The following SGCZ variants were observed in gnomAD, a reference collection of about 807,000 sequenced individuals.
SGCZ encodes sarcoglycan zeta.
A neutral mutation model predicts 41.3 loss-of-function variants in SGCZ; 40 were observed. The observed-to-expected ratio is 0.97, with a 90% confidence interval of 0.75 to 1.26. The LOEUF (loss-of-function observed/expected upper bound fraction) is 1.26, where lower values mean the gene tolerates loss of function less well. Ranked by LOEUF, SGCZ falls within the 50% of genes most tolerant of loss-of-function variation. The pLI is 0.00. For missense variants in SGCZ, 552 were observed against 369.8 expected (o/e 1.49, Z -4.04); for synonymous variants, 206 against 137.5 (o/e 1.50, Z -3.49).
At chr8:14,287,177 A>C (rs1273351018) in intron 3 of SGCZ, among the ~76,000 whole-genome samples, 2 of 151,456 alleles carry the variant, frequency 1.3e-5, no homozygotes, top group Non-Finnish European at 3.0e-5. Flanking sequence ...GTTGCAAATC[A>C]TTTCCTGTTT....
At chr8:14,656,030 G>C (rs1346698819) in intron 1 of SGCZ, among the ~76,000 whole-genome samples, 1 of 152,068 alleles carries the variant, frequency 6.6e-6, no homozygotes, top group African/African-American at 2.4e-5. Context: ...GTTGCTTCCA[G>C]TTTGAGCTCT....
chr8:14,603,333 G>C (rs1221799639), intron 1 of SGCZ, among the ~76,000 whole-genome samples: 3 of 151,918 alleles, frequency 2.0e-5, no homozygotes, highest in African/African-American at 4.8e-5. Context: ...CAATATATCA[G>C]TTAAGTCATT....
intron 1 of SGCZ, among the ~76,000 whole-genome samples, chr8:15,023,967 G>T (rs558823172): frequency 6.6e-6 from 1 of 152,284 alleles, no homozygotes; most frequent in East Asian, 1.9e-4. Context: ...ATGGAGTGCA[G>T]AATACAGGGA....
intron 1 of SGCZ, among the ~76,000 whole-genome samples, chr8:14,785,291 G>A (rs1800733716): frequency 6.6e-6 from 1 of 151,806 alleles, no homozygotes. Context: ...CAGACAAAAA[G>A]TTGTCCTTTC....
At chr8:14,651,392 T>A (rs1015805365) in intron 1 of SGCZ, among the ~76,000 whole-genome samples, 1 of 152,106 alleles carries the variant, frequency 6.6e-6, no homozygotes, top group African/African-American at 2.4e-5. Context: ...ATGTCTGAAA[T>A]GATAGAAGAT....
chr8:14,386,019 A>C (rs1479306690), intron 2 of SGCZ, among the ~76,000 whole-genome samples: 1 of 152,096 alleles, frequency 6.6e-6, no homozygotes, highest in South Asian at 2.1e-4. Flanking sequence ...TCTACTTTTA[A>C]TGTCTATTAT....
chr8:15,151,815 C>A, intron 1 of SGCZ, among the ~76,000 whole-genome samples: 1 of 152,218 alleles, frequency 6.6e-6, no homozygotes, highest in South Asian at 2.1e-4. Context: ...CAACAGTAAC[C>A]CTGTTTTTCA....
intron 5 of SGCZ, among the ~76,000 whole-genome samples, chr8:14,151,679 GTTGGAGGAA>G (rs1451908405): frequency 6.6e-6 from 1 of 152,050 alleles, no homozygotes; most frequent in Non-Finnish European, 1.5e-5. Flanking sequence ...AAAGAATACA[GTTGGAGGAA>G]TCACTTTACC....
At chr8:14,424,213 A>G (rs940488478) in intron 2 of SGCZ, among the ~76,000 whole-genome samples, 3 of 152,164 alleles carry the variant, frequency 2.0e-5, no homozygotes, top group Non-Finnish European at 4.4e-5. Flanking sequence ...TAAAAACCAT[A>G]GTAGTAGAAG....
At chr8:14,156,942 A>G (rs1332453149) in intron 5 of SGCZ, among the ~76,000 whole-genome samples, 1 of 152,170 alleles carries the variant, frequency 6.6e-6, no homozygotes, top group African/African-American at 2.4e-5. Flanking sequence ...TTTTTTTATA[A>G]GTAGAAAGAG....
intron 2 of SGCZ, among the ~76,000 whole-genome samples, chr8:14,372,209 A>G (rs143398196): frequency 0.02 from 3,035 of 152,294 alleles, 82 homozygotes; most frequent in African/African-American, 0.056. Context: ...TCCAATATTA[A>G]CATTGAGAAT....
intron 1 of SGCZ, among the ~76,000 whole-genome samples, chr8:14,726,272 A>C (rs1293396435): frequency 6.8e-6 from 1 of 146,154 alleles, no homozygotes; most frequent in Admixed American, 6.9e-5. Context: ...CAAAAAAAAA[A>C]AAAAATCATA....
intron 2 of SGCZ, among the ~76,000 whole-genome samples, chr8:14,510,386 G>T (rs1468475778): frequency 1.3e-5 from 2 of 151,910 alleles, no homozygotes; most frequent in African/African-American, 4.8e-5. Flanking sequence ...GTTTTGTAAT[G>T]TATAAAGGTT....
At chr8:14,236,062 T>G (rs778236629) in intron 4 of SGCZ, among the ~76,000 whole-genome samples, 3 of 152,220 alleles carry the variant, frequency 2.0e-5, no homozygotes, top group Non-Finnish European at 2.9e-5. Flanking sequence ...TCTATCTGGC[T>G]GAAGAGTTCT....
At chr8:14,518,537 T>G (rs1802692947) in intron 2 of SGCZ, among the ~76,000 whole-genome samples, 1 of 152,130 alleles carries the variant, frequency 6.6e-6, no homozygotes, top group Admixed American at 6.6e-5. Context: ...TAATATACAT[T>G]AAAATTTATT....
intron 1 of SGCZ, among the ~76,000 whole-genome samples, chr8:14,736,963 T>C (rs2130261356): frequency 6.6e-6 from 1 of 151,672 alleles, no homozygotes; most frequent in East Asian, 1.9e-4. Flanking sequence ...TGCAAAATTG[T>C]GGAACCAAAC....
intron 1 of SGCZ, among the ~76,000 whole-genome samples, chr8:15,217,518 T>C (rs1201714739): frequency 4.0e-5 from 6 of 151,794 alleles, no homozygotes; most frequent in African/African-American, 1.2e-4. Flanking sequence ...ACCAGAAAGC[T>C]GGACCTTTGA....
At chr8:14,248,821 C>T (rs1158889460) in intron 3 of SGCZ, among the ~76,000 whole-genome samples, 1 of 151,712 alleles carries the variant, frequency 6.6e-6, no homozygotes, top group Admixed American at 6.6e-5. Context: ...ATTAGGGCCA[C>T]ATATTTAGTT....
rs1799504992 is a variant in SGCZ at position 15,161,251 on chromosome 8, C to A, written c.39+76334G>T. 2.0e-5 allele frequency among the ~76,000 whole-genome samples: 3 copies of A among 152,208 alleles called. No homozygotes were observed. In the South Asian group the frequency reaches 6.2e-4, roughly 32 times the overall value. On this transcript the variant is annotated intron_variant, in intron 1 of 7. Transcript: ENST00000382080. ...TTAAACGCTCTCCCCCTACATCATC[C>A]ATGACTCCCTTGTTTACCTCCCCTA... is the stretch of plus-strand genomic sequence containing the variant.
Sources: allele counts gnomAD v4.1 joint callset (sites outside exome capture counted in the v4.1 genomes callset), GRCh38; gene constraint gnomAD v4.1.1; transcripts MANE v1.5; gene names NCBI Gene and HGNC (gene_info 2026-07-23, HGNC 2026-07-21).